NR5A2: variants seen among roughly 807,000 people sequenced by gnomAD.
NR5A2 encodes the protein nuclear receptor subfamily 5 group A member 2.
Under a neutral mutation model 62.7 loss-of-function variants are expected in NR5A2, and 26 were observed. The ratio of observed to expected loss-of-function variants is 0.41; its 90% CI spans 0.30 to 0.58. The LOEUF (loss-of-function observed/expected upper bound fraction) is 0.58, where lower values mean the gene tolerates loss of function less well. NR5A2 is among the 20% of genes least tolerant of loss of function. NR5A2 has a pLI of 0.22. For missense variants in NR5A2, 541 were observed against 669.1 expected, an observed-to-expected ratio of 0.81 and a Z score of 2.11; for synonymous variants, 246 against 241.7, an observed-to-expected ratio of 1.02 and a Z score of -0.16.
At chr1:200,101,030 A>T (rs545063717) in intron 5 of NR5A2, among the ~76,000 whole-genome samples, 2 of 152,252 alleles carry the variant, frequency 1.3e-5, no homozygotes, top group South Asian at 4.1e-4. Context: ...TTCATCTTAT[A>T]TGTGAGTTTA....
intron 7 of NR5A2, among the ~76,000 whole-genome samples, chr1:200,150,415 A>G (rs1029737923): frequency 6.6e-6 from 1 of 152,246 alleles, no homozygotes; most frequent in Non-Finnish European, 1.5e-5. Flanking sequence ...TCTATGCTAC[A>G]ACAGTAAGAC....
intron 5 of NR5A2, among the ~76,000 whole-genome samples, chr1:200,102,236 ACT>A: frequency 6.6e-6 from 1 of 152,110 alleles, no homozygotes; most frequent in Non-Finnish European, 1.5e-5. Context: ...TTTGATAAAG[ACT>A]CTCTAATACA....
Position 200,057,561 on chromosome 1 carries a change from C to A in NR5A2, c.1110+8743C>A, listed in dbSNP as rs71633889. ...TGGCACGATCTTGGCTCATGGCAAC[C>A]TCCACCTCCTGCATTCAAGTGATTC... On this transcript the variant is annotated intron_variant, in intron 5 of 7. Coordinates refer to ENST00000367362, the MANE Select transcript of NR5A2 (RefSeq NM_205860.3). The A allele has an allele frequency of 9.2e-3, 3,151 of 342,054 alleles. 34 individuals carry two copies. The highest frequency in any genetic ancestry group is 0.014 in the Non-Finnish European group (2,415 of 168,694). The allele number at this position is 342,054 out of a possible 1,614,324, so 21.2% of individuals were successfully genotyped here.
intron 6 of NR5A2, among the ~76,000 whole-genome samples, chr1:200,112,079 G>GAA (rs536242858): frequency 1.0e-5 from 1 of 98,588 alleles, no homozygotes; most frequent in Non-Finnish European, 2.2e-5. Flanking sequence ...CTGAATAAAA[G>GAA]AAAAAAAAAA....
intron 7 of NR5A2, among the ~76,000 whole-genome samples, chr1:200,168,720 C>T (rs920839168): frequency 6.6e-6 from 1 of 152,130 alleles, no homozygotes; most frequent in Non-Finnish European, 1.5e-5. Flanking sequence ...CCTCCCCTCC[C>T]CAATCCCTAA....
At chr1:200,111,440 A>C in intron 6 of NR5A2, 119 bp downstream of exon 6, 1 of 1,114,272 alleles carries the variant, frequency 9.0e-7, no homozygotes, top group African/African-American at 1.6e-5. Context: ...ATTGGCTGCC[A>C]ATAATTTAGA....
intron 5 of NR5A2, among the ~76,000 whole-genome samples, chr1:200,104,890 C>T (rs2816983): frequency 0.86 from 131,375 of 152,176 alleles, 56,807 homozygotes; most frequent in East Asian, 0.97. Context: ...CTCGAATTCC[C>T]GACCTCAAGT....
chr1:200,110,822 A>AT (rs1271885409), intron 5 of NR5A2, among the ~76,000 whole-genome samples: 2 of 152,198 alleles, frequency 1.3e-5, no homozygotes, highest in Admixed American at 6.5e-5. Context: ...ACTTTTAGAT[A>AT]CATAAGCATA....
At chr1:200,042,383 G>GA (rs1662139998) in intron 2 of NR5A2, among the ~76,000 whole-genome samples, 4 of 151,864 alleles carry the variant, frequency 2.6e-5, no homozygotes, top group Non-Finnish European at 4.4e-5. Flanking sequence ...GAACCAAAGA[G>GA]AAAAAAAATA....
chr1:200,043,058 C>A, intron 2 of NR5A2: 1 of 948,892 alleles, frequency 1.1e-6, no homozygotes, highest in Non-Finnish European at 1.3e-6. Flanking sequence ...GTGTCTTTTA[C>A]TCTTCTGGTA....
chr1:200,146,715 G>T (rs1667716882), intron 7 of NR5A2, among the ~76,000 whole-genome samples: 1 of 152,132 alleles, frequency 6.6e-6, no homozygotes, highest in Non-Finnish European at 1.5e-5. Flanking sequence ...TCAAACTGGG[G>T]CTGGAAGTCA....
At chr1:200,123,413 A>G (rs1666562600) in intron 7 of NR5A2, among the ~76,000 whole-genome samples, 2 of 152,230 alleles carry the variant, frequency 1.3e-5, no homozygotes, top group Admixed American at 6.5e-5. Flanking sequence ...GTTGATGGAT[A>G]CGGCTTGAGG....
At chr1:200,129,247 TATACACACACATAC>T (rs1361314176) in intron 7 of NR5A2, among the ~76,000 whole-genome samples, 1 of 138,104 alleles carries the variant, frequency 7.2e-6, no homozygotes, top group African/African-American at 2.5e-5. Flanking sequence ...TCTCTGAATA[TATACACACACATAC>T]ATACACACAC....
intron 7 of NR5A2, among the ~76,000 whole-genome samples, chr1:200,133,232 C>T (rs1192822130): frequency 1.3e-5 from 2 of 152,008 alleles, no homozygotes; most frequent in African/African-American, 4.8e-5. Context: ...CTTTTGCTGC[C>T]TTAGGACTCA....
At position 200,162,326 on chromosome 1, in the gene NR5A2, G is replaced by A. The variant is rs377029819; in HGVS notation, c.1379-11637G>A. On this transcript the variant is annotated intron_variant, in intron 7 of 7. Transcript: ENST00000367362. ...TGGACGTAATGATATCTGCGCTGAGGCCCAGGAGATTGGTCAAAATTATCC... is the reference window on the plus strand; with the variant it reads ...TGGACGTAATGATATCTGCGCTGAGACCCAGGAGATTGGTCAAAATTATCC... Among the ~76,000 whole-genome samples, 15 of 152,312 alleles carry A rather than the reference G, an allele frequency of 9.8e-5. No individual in the cohort carries two copies. In the East Asian group the frequency reaches 2.7e-3, roughly 27 times the overall value.
chr1:200,146,145 CT>C (rs1667688684), intron 7 of NR5A2, among the ~76,000 whole-genome samples: 1 of 152,196 alleles, frequency 6.6e-6, no homozygotes, highest in South Asian at 2.1e-4. Context: ...AACAAGGTTA[CT>C]AAATATCAAC....
intron 5 of NR5A2, among the ~76,000 whole-genome samples, chr1:200,082,763 A>T (rs1407200408): frequency 2.0e-5 from 3 of 152,184 alleles, no homozygotes; most frequent in African/African-American, 7.2e-5. Flanking sequence ...TGATTAGTCC[A>T]GTCAGGCTTT....
At chr1:200,167,280 T>TG (rs2102389834) in intron 7 of NR5A2, among the ~76,000 whole-genome samples, 1 of 152,328 alleles carries the variant, frequency 6.6e-6, no homozygotes. Context: ...TCAAATCTGC[T>TG]GCTCCTCTTG....
intron 7 of NR5A2, among the ~76,000 whole-genome samples, chr1:200,149,176 G>T (rs1667872597): frequency 6.6e-6 from 1 of 152,140 alleles, no homozygotes; most frequent in South Asian, 2.1e-4. Context: ...GCCCCCCAAA[G>T]GCTGGGATTA....
Sources: allele counts gnomAD v4.1 joint callset (sites outside exome capture counted in the v4.1 genomes callset), GRCh38; gene constraint gnomAD v4.1.1; transcripts MANE v1.5; gene names NCBI Gene and HGNC (gene_info 2026-07-23, HGNC 2026-07-21).